The following SLC35F1 variants were observed in gnomAD, a reference collection of about 807,000 sequenced individuals.
SLC35F1 encodes chromosome 6 open reading frame 169.
A neutral mutation model predicts 48.7 loss-of-function variants in SLC35F1; 14 were observed. The observed-to-expected ratio is 0.29, with a 90% confidence interval of 0.19 to 0.45. SLC35F1 has a LOEUF of 0.45. Among genes scored for constraint, SLC35F1 ranks in the 20% least tolerant of loss-of-function variants. The pLI, the probability that SLC35F1 is intolerant of heterozygous loss-of-function variation, is 1.00. For missense variants in SLC35F1, 404 were observed against 500.0 expected (o/e 0.81, Z 1.83); for synonymous variants, 190 against 202.2 (o/e 0.94, Z 0.51).
chr6:118,154,083 A>G (rs926682888), intron 1 of SLC35F1, among the ~76,000 whole-genome samples: 2 of 152,140 alleles, frequency 1.3e-5, no homozygotes, highest in African/African-American at 2.4e-5. Context: ...CATTAATGCT[A>G]TGGTGAGCAT....
At chr6:117,946,693 A>G (rs1776299067) in intron 1 of SLC35F1, among the ~76,000 whole-genome samples, 1 of 152,260 alleles carries the variant, frequency 6.6e-6, no homozygotes, top group South Asian at 2.1e-4. Context: ...ACTTTGATAC[A>G]GTACCAAAGA....
chr6:118,311,333 A>AT (rs1046078064), intron 7 of SLC35F1, among the ~76,000 whole-genome samples: 2 of 152,140 alleles, frequency 1.3e-5, no homozygotes, highest in African/African-American at 2.4e-5. Context: ...GTACAGGCTG[A>AT]TTTTTTATTA....
chr6:117,967,248 A>T (rs1308362092), intron 1 of SLC35F1, among the ~76,000 whole-genome samples: 1 of 152,234 alleles, frequency 6.6e-6, no homozygotes, highest in East Asian at 1.9e-4. Flanking sequence ...CATGGGAAAC[A>T]ACTGGAAGAA....
intron 2 of SLC35F1, among the ~76,000 whole-genome samples, chr6:118,222,008 A>G (rs1229981600): frequency 2.0e-5 from 3 of 152,126 alleles, no homozygotes; most frequent in African/African-American, 7.2e-5. Flanking sequence ...TATGGTCTGC[A>G]CATTACAGGT....
intron 1 of SLC35F1, among the ~76,000 whole-genome samples, chr6:117,966,169 G>A (rs1018129310): frequency 1.9e-4 from 24 of 124,656 alleles, no homozygotes; most frequent in Admixed American, 7.7e-4. Flanking sequence ...AAGCAGCAGC[G>A]GTACCCTGCT....
At chr6:117,980,775 G>A (rs1445979232) in intron 1 of SLC35F1, among the ~76,000 whole-genome samples, 4 of 152,134 alleles carry the variant, frequency 2.6e-5, no homozygotes, top group African/African-American at 7.2e-5. Flanking sequence ...GGGACTATTC[G>A]GTTTTTCAAA....
chr6:118,053,516 C>T (rs977925615), intron 1 of SLC35F1, among the ~76,000 whole-genome samples: 2 of 152,146 alleles, frequency 1.3e-5, no homozygotes, highest in African/African-American at 4.8e-5. Context: ...ATCCTATTAT[C>T]CTGATACATG....
intron 1 of SLC35F1, among the ~76,000 whole-genome samples, chr6:117,958,200 A>G (rs1342682389): frequency 6.6e-6 from 1 of 152,242 alleles, no homozygotes; most frequent in Non-Finnish European, 1.5e-5. Flanking sequence ...GAATAAAGAT[A>G]TAAATACAAA....
At chr6:117,909,728 A>AT (rs948946397) in intron 1 of SLC35F1, among the ~76,000 whole-genome samples, 2 of 152,054 alleles carry the variant, frequency 1.3e-5, no homozygotes, top group Admixed American at 6.6e-5. Context: ...TATTCAACTC[A>AT]TTTTTTTTCT....
At position 118,285,259 on chromosome 6, in the gene SLC35F1, G is replaced by C; in HGVS notation, c.923G>C (p.Ser308Thr). The change falls in exon 7 of 8, where the codon AGT becomes ACT. Residue 308 changes from serine (S) to threonine (T), a missense_variant. This residue lies in a region of SLC35F1 where 306 missense variants were observed against 419.1 expected (regional missense o/e 0.73). Transcript: ENST00000360388. ...ATGCCAGTCGTCATAAAGAAAACCA[G>C]TGCCACTTCAGTCAACCTCTCCTTG... Reference protein sequence around the residue: ...SFMPVVIKKTSATSVNLSLLT... With the variant: ...SFMPVVIKKTTATSVNLSLLT... The C allele has an allele frequency of 6.2e-7, 1 of 1,614,028 alleles. No homozygotes were observed. Among genetic ancestry groups the C allele is most frequent in the Non-Finnish European group, 8.5e-7 (1 of 1,179,920 alleles).
chr6:117,962,640 C>G (rs1776513898), intron 1 of SLC35F1, among the ~76,000 whole-genome samples: 1 of 152,248 alleles, frequency 6.6e-6, no homozygotes, highest in East Asian at 1.9e-4. Context: ...GAACGCCCAC[C>G]ACTCCTCTCC....
chr6:118,199,873 C>A (rs1421743517), intron 2 of SLC35F1, among the ~76,000 whole-genome samples: 1 of 152,150 alleles, frequency 6.6e-6, no homozygotes, highest in African/African-American at 2.4e-5. Flanking sequence ...ATTTCAAAAT[C>A]TTTCCAGTGT....
intron 1 of SLC35F1, among the ~76,000 whole-genome samples, chr6:117,916,954 C>T (rs139098433): frequency 3.6e-4 from 55 of 152,330 alleles, no homozygotes; most frequent in Middle Eastern, 3.4e-3. Context: ...AAGACCTCCA[C>T]TCTCATGGAG....
chr6:118,137,265 A>G (rs1582686957), intron 1 of SLC35F1, among the ~76,000 whole-genome samples: 1 of 152,256 alleles, frequency 6.6e-6, no homozygotes, highest in African/African-American at 2.4e-5. Context: ...TTCCCCAAGT[A>G]TAGGAAAAGA....
At chr6:118,143,999 T>C (rs898694065) in intron 1 of SLC35F1, among the ~76,000 whole-genome samples, 1 of 152,144 alleles carries the variant, frequency 6.6e-6, no homozygotes, top group Non-Finnish European at 1.5e-5. Flanking sequence ...TTAAAACTTA[T>C]CTTTTTAGTT....
At chr6:118,171,751 C>A (rs1774407237) in intron 2 of SLC35F1, among the ~76,000 whole-genome samples, 1 of 152,074 alleles carries the variant, frequency 6.6e-6, no homozygotes, top group Admixed American at 6.6e-5. Flanking sequence ...TGTTTATTGG[C>A]AACATGAAAT....
At chr6:118,260,451 A>G (rs1047884272) in intron 3 of SLC35F1, among the ~76,000 whole-genome samples, 8 of 150,998 alleles carry the variant, frequency 5.3e-5, no homozygotes, top group Non-Finnish European at 1.2e-4. Flanking sequence ...TAGGGTTTTT[A>G]ATTTTTTTTA....
At chr6:117,957,901 G>A (rs1171485492) in intron 1 of SLC35F1, among the ~76,000 whole-genome samples, 2 of 152,074 alleles carry the variant, frequency 1.3e-5, no homozygotes, top group Admixed American at 6.6e-5. Flanking sequence ...TATTTTAGAC[G>A]GTACTCCTAC....
intron 2 of SLC35F1, among the ~76,000 whole-genome samples, chr6:118,214,633 C>T (rs1405201482): frequency 2.6e-5 from 4 of 152,122 alleles, no homozygotes; most frequent in Non-Finnish European, 5.9e-5. Flanking sequence ...GTCAAGCACA[C>T]GTAGAAACTT....
Sources: allele counts gnomAD v4.1 joint callset (sites outside exome capture counted in the v4.1 genomes callset), GRCh38; gene constraint gnomAD v4.1.1; regional missense constraint gnomAD v4.1.1; transcripts MANE v1.5; gene names NCBI Gene and HGNC (gene_info 2026-07-23, HGNC 2026-07-21).